The following CASQ2 variants were observed in gnomAD, a reference collection of about 807,000 sequenced individuals.
CASQ2 encodes calsequestrin-2.
A neutral mutation model predicts 46.5 loss-of-function variants in CASQ2; 49 were observed. That is an observed-to-expected ratio of 1.05 (90% CI 0.84 to 1.34). CASQ2 has a LOEUF of 1.34. Among genes scored for constraint, CASQ2 ranks in the 40% most tolerant of loss-of-function variants. The pLI is 0.00. For synonymous variants in CASQ2, 174 were observed against 168.5 expected, an observed-to-expected ratio of 1.03 and a Z score of -0.25; for missense variants, 486 against 481.3, an observed-to-expected ratio of 1.01 and a Z score of -0.09.
At chr1:115,748,827 G>C (rs185531975) in intron 1 of CASQ2, among the ~76,000 whole-genome samples, 20 of 152,156 alleles carry the variant, frequency 1.3e-4, no homozygotes, top group African/African-American at 4.8e-4. Flanking sequence ...GTACCTAATG[G>C]CTTTGCGGTA....
At chr1:115,715,122 A>C (rs1212663999) in intron 8 of CASQ2, among the ~76,000 whole-genome samples, 4 of 152,214 alleles carry the variant, frequency 2.6e-5, no homozygotes, top group African/African-American at 9.6e-5. Flanking sequence ...TGGCAACTGC[A>C]TCTCTGTTCA....
intron 5 of CASQ2, 91 bp from the exon 6 acceptor site, chr1:115,727,213 C>A (rs996951905): frequency 2.0e-6 from 2 of 1,012,880 alleles, no homozygotes; most frequent in East Asian, 2.5e-5. Flanking sequence ...GTATGTTTTC[C>A]GGCAAAGACA....
In CASQ2 at chr1:115,766,865, TGATAGATAGATA is replaced by T. The variant is rs58728885; in HGVS notation, c.234+1431_234+1442del. 4.2e-3 allele frequency among the ~76,000 whole-genome samples: 602 copies of T among 144,986 alleles called. 4 individuals carry two copies. Among genetic ancestry groups the T allele is most frequent in the South Asian group, 7.7e-3 (34 of 4,392 alleles). ...CAGATATACTTGGGGGAGCTAGAGA[TGATAGATAGATA>T]GATAGATAGATAGATAGATAGATAG... On this transcript the variant is annotated intron_variant, in intron 1 of 10. Coordinates refer to ENST00000261448, the MANE Select transcript of CASQ2 (RefSeq NM_001232.4).
At chr1:115,746,909 C>CT (rs1446443398) in intron 1 of CASQ2, among the ~76,000 whole-genome samples, 4 of 152,178 alleles carry the variant, frequency 2.6e-5, no homozygotes, top group South Asian at 2.1e-4. Context: ...ATATTTATCA[C>CT]TTTTTTGTGT....
chr1:115,748,587 A>G (rs1648467851), intron 1 of CASQ2, among the ~76,000 whole-genome samples: 1 of 150,090 alleles, frequency 6.7e-6, no homozygotes, highest in African/African-American at 2.4e-5. Context: ...TTAAGATGAA[A>G]GGCATCATCA....
At position 115,727,127 on chromosome 1, in the gene CASQ2, A is replaced by T. The variant is rs751216421; in HGVS notation, c.607-5T>A. 6.2e-7 allele frequency: 1 copy of T among 1,607,260 alleles called. No individual in the cohort carries two copies. Among genetic ancestry groups the T allele is most frequent in the Non-Finnish European group, 8.5e-7 (1 of 1,173,984 alleles). On this transcript the variant is annotated splice_polypyrimidine_tract_variant and splice_region_variant and intron_variant, in intron 5 of 10. Coordinates refer to ENST00000261448, the MANE Select transcript of CASQ2 (RefSeq NM_001232.4). ...CAAAGATAATTTCTTTGCAACCTGT[A>T]ACCATTAGAAATAAGACAAAGTTTA...
chr1:115,744,960 T>A, intron 1 of CASQ2, 48 bp from the exon 2 acceptor site: 1 of 1,282,568 alleles, frequency 7.8e-7, no homozygotes, highest in Non-Finnish European at 1.1e-6. Flanking sequence ...AGAAAGATGG[T>A]AGAAAATATT....
At chr1:115,722,806 G>T (rs145690927) in intron 7 of CASQ2, among the ~76,000 whole-genome samples, 201 of 152,292 alleles carry the variant, frequency 1.3e-3, no homozygotes, top group African/African-American at 4.5e-3. Flanking sequence ...CCAGCACTTT[G>T]GGAGGCCGAG....
At chr1:115,750,349 C>T (rs1035636279) in intron 1 of CASQ2, among the ~76,000 whole-genome samples, 2 of 152,184 alleles carry the variant, frequency 1.3e-5, no homozygotes, top group African/African-American at 4.8e-5. Flanking sequence ...ATAGTCCATC[C>T]TAGTGAATGG....
chr1:115,760,031 T>C (rs1283205818), intron 1 of CASQ2, among the ~76,000 whole-genome samples: 1 of 152,188 alleles, frequency 6.6e-6, no homozygotes, highest in Non-Finnish European at 1.5e-5. Context: ...GTCCAAAGGA[T>C]TAGTCACTGA....
At chr1:115,744,968 A>T in intron 1 of CASQ2, 56 bp from the exon 2 acceptor site, 2 of 1,177,766 alleles carry the variant, frequency 1.7e-6, no homozygotes, top group Non-Finnish European at 2.5e-6. Context: ...GGTAGAAAAT[A>T]TTACAGGATT....
intron 1 of CASQ2, among the ~76,000 whole-genome samples, chr1:115,762,701 C>T (rs1255955902): frequency 6.6e-6 from 1 of 152,204 alleles, no homozygotes; most frequent in Non-Finnish European, 1.5e-5. Flanking sequence ...AAGTGTGAAG[C>T]TCACCCGGAA....
At chr1:115,745,207 T>C (rs748501991) in intron 1 of CASQ2, among the ~76,000 whole-genome samples, 3 of 152,086 alleles carry the variant, frequency 2.0e-5, no homozygotes, top group Non-Finnish European at 4.4e-5. Context: ...AGATAAAACC[T>C]GGATCGGGAG....
chr1:115,761,441 A>AG, intron 1 of CASQ2, among the ~76,000 whole-genome samples: 3 of 7,184 alleles, frequency 4.2e-4, no homozygotes, highest in African/African-American at 1.5e-3. Flanking sequence ...AGAAGAAGAA[A>AG]GAAGAAGAAG....
intron 8 of CASQ2, among the ~76,000 whole-genome samples, chr1:115,713,273 C>T (rs573265395): frequency 1.8e-4 from 27 of 152,180 alleles, no homozygotes; most frequent in Admixed American, 7.2e-4. Flanking sequence ...GTCAGACGAG[C>T]GGCTCTGGCG....
chr1:115,723,186 A>G (rs930830684), intron 7 of CASQ2, among the ~76,000 whole-genome samples: 6 of 152,230 alleles, frequency 3.9e-5, no homozygotes, highest in African/African-American at 1.4e-4. Context: ...CAACTGGCCA[A>G]TTTGAATAAT....
At chr1:115,761,615 A>C (rs1006327074) in intron 1 of CASQ2, among the ~76,000 whole-genome samples, 27 of 150,948 alleles carry the variant, frequency 1.8e-4, no homozygotes, top group African/African-American at 5.9e-4. Context: ...TCTCCGCTAA[A>C]GTTTACTTTT....
At chr1:115,713,274 G>A (rs1344913715) in intron 8 of CASQ2, among the ~76,000 whole-genome samples, 1 of 152,216 alleles carries the variant, frequency 6.6e-6, no homozygotes, top group East Asian at 1.9e-4. Flanking sequence ...TCAGACGAGC[G>A]GCTCTGGCGG....
At chr1:115,728,162 C>T (rs1445088361) in intron 5 of CASQ2, among the ~76,000 whole-genome samples, 1 of 152,138 alleles carries the variant, frequency 6.6e-6, no homozygotes, top group Non-Finnish European at 1.5e-5. Context: ...AGGGCGGCTG[C>T]AACTAACTGG....
Sources: gnomAD v4.1 joint callset for allele counts (sites outside exome capture counted in the v4.1 genomes callset) on GRCh38, gnomAD v4.1.1 for gene constraint, MANE v1.5 for transcripts, NCBI Gene and HGNC (gene_info 2026-07-23, HGNC 2026-07-21) for gene names.